The following THSD4 variants were observed in gnomAD, a reference collection of about 807,000 sequenced individuals.
THSD4 encodes the protein thrombospondin type-1 domain-containing protein 4.
A neutral mutation model predicts 119.0 loss-of-function variants in THSD4; 69 were observed. The observed-to-expected ratio is 0.58, with a 90% CI of 0.48 to 0.71. The LOEUF is 0.71. THSD4 is among the 30% of genes least tolerant of loss of function. The pLI, the probability that THSD4 is intolerant of heterozygous loss-of-function variation, is 0.00. For missense variants in THSD4, 1,393 were observed against 1,391.1 expected, an observed-to-expected ratio of 1.00 and a Z score of -0.02; for synonymous variants, 524 against 540.4, an observed-to-expected ratio of 0.97 and a Z score of 0.42.
chr15:71,426,776 A>G (rs2046875397), intron 7 of THSD4, among the ~76,000 whole-genome samples: 1 of 152,178 alleles, frequency 6.6e-6, no homozygotes, highest in Non-Finnish European at 1.5e-5. Context: ...AAAATTTATC[A>G]TATTATGTTA....
intron 4 of THSD4, among the ~76,000 whole-genome samples, chr15:71,224,489 C>T (rs553618364): frequency 1.3e-5 from 2 of 152,274 alleles, no homozygotes; most frequent in South Asian, 2.1e-4. Flanking sequence ...TCCAAGAAGC[C>T]GGGGTTAACT....
chr15:71,621,752 T>C lies in THSD4; in HGVS notation c.1153-38778T>C, dbSNP rs2050422433. The stretch of plus-strand genomic sequence containing the variant: ...TTCAAGTCATTTGCTATGAACACAG[T>C]GCCATATAACAAAAATATTCACTTG... On this transcript the variant is annotated intron_variant, in intron 7 of 17. Transcript: ENST00000261862. Among the ~76,000 whole-genome samples the C allele has an allele frequency of 2.6e-5, 4 of 152,226 alleles. No individual in the cohort carries two copies. The South Asian group carries it at 8.3e-4, about 31-fold the overall frequency.
chr15:71,701,010 G>A (rs2052278292), intron 8 of THSD4, among the ~76,000 whole-genome samples: 1 of 152,028 alleles, frequency 6.6e-6, no homozygotes, highest in African/African-American at 2.4e-5. Context: ...GCCTCTATAA[G>A]CATTAAAAAG....
intron 1 of THSD4, among the ~76,000 whole-genome samples, chr15:71,109,751 G>A (rs893281263): frequency 6.6e-6 from 1 of 151,292 alleles, no homozygotes; most frequent in African/African-American, 2.4e-5. Context: ...AAAAAGGAAC[G>A]TGGGACCCAG....
At chr15:71,363,829 A>G (rs1481665840) in intron 6 of THSD4, among the ~76,000 whole-genome samples, 1 of 152,192 alleles carries the variant, frequency 6.6e-6, no homozygotes, top group Non-Finnish European at 1.5e-5. Flanking sequence ...TCTACAGTTT[A>G]TAGAGTTGTA....
intron 7 of THSD4, among the ~76,000 whole-genome samples, chr15:71,415,603 T>C (rs1456184548): frequency 6.6e-6 from 1 of 152,202 alleles, no homozygotes; most frequent in Non-Finnish European, 1.5e-5. Context: ...AGTCACCCTG[T>C]TGTGCTATCA....
intron 7 of THSD4, among the ~76,000 whole-genome samples, chr15:71,439,822 A>G (rs1388234768): frequency 1.3e-5 from 2 of 152,088 alleles, no homozygotes; most frequent in African/African-American, 2.4e-5. Flanking sequence ...ATGAGAACAC[A>G]TGGACACAGG....
intron 1 of THSD4, among the ~76,000 whole-genome samples, chr15:71,128,858 T>C (rs1479151937): frequency 6.6e-6 from 1 of 152,172 alleles, no homozygotes; most frequent in Non-Finnish European, 1.5e-5. Context: ...GGCACATAGA[T>C]TAGTGGAATA....
At chr15:71,638,953 T>G (rs1253025727) in intron 7 of THSD4, among the ~76,000 whole-genome samples, 7 of 152,154 alleles carry the variant, frequency 4.6e-5, no homozygotes, top group Admixed American at 3.9e-4. Context: ...TTTAGATAGC[T>G]CCCTTCAAAG....
chr15:71,618,177 A>C (rs1381550370), intron 7 of THSD4, among the ~76,000 whole-genome samples: 1 of 152,230 alleles, frequency 6.6e-6, no homozygotes, highest in Non-Finnish European at 1.5e-5. Flanking sequence ...ATTCTCTGTT[A>C]ACCTAATGCT....
intron 7 of THSD4, among the ~76,000 whole-genome samples, chr15:71,581,083 G>C (rs540768745): frequency 6.6e-6 from 1 of 152,248 alleles, no homozygotes; most frequent in East Asian, 1.9e-4. Flanking sequence ...ACTCAGAAGA[G>C]GGATAGCTGG....
intron 7 of THSD4, among the ~76,000 whole-genome samples, chr15:71,639,339 G>C (rs1280058248): frequency 6.6e-6 from 1 of 152,104 alleles, no homozygotes; most frequent in African/African-American, 2.4e-5. Flanking sequence ...TGTAATTTGG[G>C]AATGACATTC....
chr15:71,391,379 A>G (rs1248847292), intron 6 of THSD4, among the ~76,000 whole-genome samples: 1 of 152,050 alleles, frequency 6.6e-6, no homozygotes, highest in Non-Finnish European at 1.5e-5. Context: ...GGGTCTTGCT[A>G]TGTTGCCAGG....
chr15:71,741,498 AAAAC>A (rs2053234337), intron 11 of THSD4, among the ~76,000 whole-genome samples: 1 of 152,030 alleles, frequency 6.6e-6, no homozygotes, highest in Non-Finnish European at 1.5e-5. Context: ...GTCTCAAAAC[AAAAC>A]AAAACAAAAC....
At chr15:71,486,611 G>GTTTTTTT (rs200120589) in intron 7 of THSD4, among the ~76,000 whole-genome samples, 2 of 131,708 alleles carry the variant, frequency 1.5e-5, no homozygotes, top group African/African-American at 2.9e-5. Flanking sequence ...TTTCTTTTCT[G>GTTTTTTT]TTTTTTTTTT....
intron 7 of THSD4, among the ~76,000 whole-genome samples, chr15:71,452,016 A>G: frequency 6.6e-6 from 1 of 152,126 alleles, no homozygotes; most frequent in South Asian, 2.1e-4. Flanking sequence ...GCCTTCCCTC[A>G]GGACCCTCCT....
At chr15:71,221,105 G>T (rs896395779) in intron 4 of THSD4, among the ~76,000 whole-genome samples, 1 of 152,080 alleles carries the variant, frequency 6.6e-6, no homozygotes, top group Admixed American at 6.5e-5. Flanking sequence ...AAAGCATGCC[G>T]CATTGTAGCA....
Position 71,164,366 on chromosome 15 carries a change from C to CT in THSD4, c.99+9450dup, listed in dbSNP as rs878855643. 8.0e-3 allele frequency among the ~76,000 whole-genome samples: 1,014 copies of CT among 127,486 alleles called. 17 individuals carry two copies. Among genetic ancestry groups the CT allele is most frequent in the African/African-American group, 0.022 (749 of 33,744 alleles). The allele number at this position is 127,486 out of a possible 152,430, so 83.6% of individuals were successfully genotyped here. A position where few individuals can be genotyped will look rare whatever the true frequency, so the allele number is the denominator to read the frequency against. ...CAGAATGTCAACAAAACAGCTGCAA[C>CT]TTTTTTTTTTTTTTTTGCAATTACA... On this transcript the variant is annotated intron_variant, in intron 3 of 17. Transcript: ENST00000261862.
chr15:71,640,804 G>T, intron 7 of THSD4, among the ~76,000 whole-genome samples: 1 of 151,978 alleles, frequency 6.6e-6, no homozygotes, highest in South Asian at 2.1e-4. Context: ...TTCATCTCTT[G>T]TTTATCTCCC....
Sources: allele counts gnomAD v4.1 joint callset (sites outside exome capture counted in the v4.1 genomes callset), GRCh38; gene constraint gnomAD v4.1.1; transcripts MANE v1.5; gene names NCBI Gene and HGNC (gene_info 2026-07-23, HGNC 2026-07-21).